The following FAM20A variants were observed in gnomAD, a reference collection of about 807,000 sequenced individuals.
The protein encoded by FAM20A is pseudokinase FAM20A.
A neutral mutation model predicts 52.0 loss-of-function variants in FAM20A; 42 were observed. That is an observed-to-expected ratio of 0.81 (90% CI 0.63 to 1.04). FAM20A has a LOEUF of 1.04. Among genes scored for constraint, FAM20A ranks in the 50% least tolerant of loss-of-function variants. The pLI is 0.00. For missense variants in FAM20A, 742 were observed against 712.7 expected (o/e 1.04, Z -0.47); for synonymous variants, 304 against 298.9 (o/e 1.02, Z -0.18).
chr17:68,586,203 T>C (rs1263088240), intron 1 of FAM20A, among the ~76,000 whole-genome samples: 2 of 152,230 alleles, frequency 1.3e-5, no homozygotes, highest in Non-Finnish European at 2.9e-5. Flanking sequence ...TATATCAGAA[T>C]TATTTTGTGA....
chr17:68,543,507 A>C (rs2086405588), intron 5 of FAM20A, 122 bp downstream of exon 5: 3 of 849,978 alleles, frequency 3.5e-6, no homozygotes, highest in Non-Finnish European at 5.9e-6. Flanking sequence ...TGAGGCACGA[A>C]GAAGATAGAA....
At chr17:68,571,005 T>C (rs947835610) in intron 1 of FAM20A, among the ~76,000 whole-genome samples, 3 of 152,168 alleles carry the variant, frequency 2.0e-5, no homozygotes, top group African/African-American at 7.2e-5. Context: ...TGGAGAGGTA[T>C]GATGGGGTCC....
intron 1 of FAM20A, among the ~76,000 whole-genome samples, chr17:68,563,238 T>C (rs1473012511): frequency 6.6e-6 from 1 of 151,664 alleles, no homozygotes; most frequent in Non-Finnish European, 1.5e-5. Flanking sequence ...ATACAAAAAT[T>C]AGCCGGGTGT....
Position 68,600,538 on chromosome 17 carries a change from C to G in FAM20A, c.129G>C (p.Gly43=), listed in dbSNP as rs758544067. Residue 43 remains glycine (G), a synonymous_variant, in exon 1 of 11, where the codon GGG becomes GGC. Coordinates refer to ENST00000592554, the MANE Select transcript of FAM20A (RefSeq NM_017565.4). This position sits in a 1 kb window ranked among gnomAD's most constrained non-coding sequence, Gnocchi z 6.2. ...RQLRPRERPR[G]CPCTGRASSL... is the part of the protein sequence containing the mutation. ...AGGAGGCGCGGCCGGTGCACGGGCA[C>G]CCCCGCGGGCGCTCCCGAGGCCGCA... 3.2e-6 allele frequency: 5 copies of G among 1,560,506 alleles called. No homozygotes were observed. Among genetic ancestry groups the G allele is most frequent in the Non-Finnish European group, 3.5e-6 (4 of 1,153,228 alleles).
chr17:68,543,352 T>G (rs1227082598), intron 5 of FAM20A, among the ~76,000 whole-genome samples: 1 of 152,098 alleles, frequency 6.6e-6, no homozygotes, highest in East Asian at 1.9e-4. Context: ...CGCTCTCAGA[T>G]CAGGAAACTA....
chr17:68,596,871 G>C (rs1212925360), intron 1 of FAM20A, among the ~76,000 whole-genome samples: 3 of 151,444 alleles, frequency 2.0e-5, no homozygotes, highest in Non-Finnish European at 4.4e-5. Flanking sequence ...TTTTTGGGGG[G>C]AAAAGAAAGG....
rs552299292 is a variant in FAM20A, at chr17:68,600,317, A to G, written c.350T>C (p.Leu117Pro). 8 of 1,590,118 alleles carry G rather than the reference A, an allele frequency of 5.0e-6. 1 individual carries two copies. The highest frequency in any genetic ancestry group is 3.5e-5 in the Admixed American group (2 of 57,364). Residue 117 changes from leucine to proline, a missense_variant, in exon 1 of 11, where the codon CTG becomes CCG. Coordinates refer to ENST00000592554, the MANE Select transcript of FAM20A (RefSeq NM_017565.4). This position sits in a 1 kb window ranked among gnomAD's most constrained non-coding sequence, Gnocchi z 6.2. ...PPLLGAEDSLLASQEALRYYR... is the reference protein window; with the variant it reads ...PPLLGAEDSLPASQEALRYYR... ...ATACCGCAGCGCCTCCTGGCTGGCC[A>G]GGAGCGAGTCCTCGGCTCCCAGGAG...
At chr17:68,545,672 C>T (rs1033038671) in intron 4 of FAM20A, among the ~76,000 whole-genome samples, 17 of 152,120 alleles carry the variant, frequency 1.1e-4, no homozygotes, top group Admixed American at 5.9e-4. Context: ...ATCTGTAGCA[C>T]GCAATGCTGT....
chr17:68,566,709 T>C (rs935361622), intron 1 of FAM20A, among the ~76,000 whole-genome samples: 6 of 152,206 alleles, frequency 3.9e-5, no homozygotes, highest in Admixed American at 3.3e-4. Context: ...TTAGTTGCAT[T>C]GGGACAAACT....
intron 7 of FAM20A, 105 bp from the exon 8 acceptor site, chr17:68,541,063 T>TGC: frequency 6.6e-7 from 1 of 1,507,146 alleles, no homozygotes; most frequent in Non-Finnish European, 8.9e-7. Context: ...TCCCTGATCC[T>TGC]GCCCTGGGCT....
intron 10 of FAM20A, 27 bp downstream of exon 10, chr17:68,539,310 C>T (rs533347978): frequency 1.4e-5 from 23 of 1,613,058 alleles, no homozygotes; most frequent in South Asian, 5.5e-5. Context: ...GTTACTTGCC[C>T]GTATTATCTG....
At chr17:68,571,987 CATATATATATATATATAT>C (rs57442973) in intron 1 of FAM20A, among the ~76,000 whole-genome samples, 1,287 of 43,726 alleles carry the variant, frequency 0.029, 39 homozygotes, top group Admixed American at 0.053. Flanking sequence ...TATATACATA[CATATATATATATATATAT>C]ATATATATAT....
chr17:68,540,750 C>T (rs1568719976), intron 8 of FAM20A, 99 bp downstream of exon 8: 8 of 1,436,656 alleles, frequency 5.6e-6, no homozygotes, highest in Non-Finnish European at 2.9e-6. Context: ...GTTACTCAGT[C>T]CTCATGAACC....
chr17:68,566,281 G>A (rs772226729), intron 1 of FAM20A, among the ~76,000 whole-genome samples: 9 of 152,196 alleles, frequency 5.9e-5, no homozygotes, highest in Non-Finnish European at 1.0e-4. Context: ...GTGGGCAGAG[G>A]CAATGTCTTA....
intron 4 of FAM20A, among the ~76,000 whole-genome samples, chr17:68,550,369 C>T (rs902268419): frequency 7.3e-4 from 58 of 79,292 alleles, no homozygotes; most frequent in Admixed American, 1.1e-3. Context: ...AATGGGGGAA[C>T]TTTTTTTTTT....
chr17:68,579,969 A>C (rs556331347), intron 1 of FAM20A, among the ~76,000 whole-genome samples: 1 of 152,116 alleles, frequency 6.6e-6, no homozygotes, highest in East Asian at 1.9e-4. Context: ...GTACTTATTG[A>C]ACATAGGATG....
Position 68,537,294 on chromosome 17 carries a change from G to C in FAM20A, c.*183C>G, listed in dbSNP as rs1309609163. On this transcript the variant is annotated 3_prime_UTR_variant, in exon 11 of 11. Coordinates refer to ENST00000592554, the MANE Select transcript of FAM20A (RefSeq NM_017565.4). The surrounding 1 kb of genome is among the most constrained non-coding windows in gnomAD (Gnocchi z 4.2). ...GAGCAAGGCAACGCACGACAGAAGC[G>C]GTGCACCAAGGAGTAAAGATTCAGT... 3.8e-6 allele frequency: 3 copies of C among 798,958 alleles called. No individual in the cohort carries two copies. Among genetic ancestry groups the C allele is most frequent in the African/African-American group, 3.4e-5 (2 of 58,964 alleles). 49.5% of individuals were successfully genotyped at this position (798,958 alleles called of 1,614,324 possible). A position where few individuals can be genotyped will look rare whatever the true frequency, so the allele number is the denominator to read the frequency against.
intron 1 of FAM20A, among the ~76,000 whole-genome samples, chr17:68,559,882 A>G (rs1452555876): frequency 6.6e-6 from 1 of 152,188 alleles, no homozygotes; most frequent in Non-Finnish European, 1.5e-5. Context: ...AATTCAGTAC[A>G]CAGAAAGCTC....
At chr17:68,571,648 G>T (rs1229362082) in intron 1 of FAM20A, among the ~76,000 whole-genome samples, 2 of 152,008 alleles carry the variant, frequency 1.3e-5, no homozygotes, top group African/African-American at 4.8e-5. Context: ...CCTTGACGTG[G>T]GTCCTAGAAA....
Sources: gnomAD v4.1 joint callset for allele counts (sites outside exome capture counted in the v4.1 genomes callset) on GRCh38, gnomAD v4.1.1 for gene constraint, Gnocchi (gnomAD v3.1) non-coding constraint, MANE v1.5 for transcripts, NCBI Gene and HGNC (gene_info 2026-07-23, HGNC 2026-07-21) for gene names.